PCDH9: variants seen among roughly 807,000 people sequenced by gnomAD.
PCDH9 encodes the protein protocadherin-9.
PCDH9 carries 24 observed loss-of-function variants against 70.6 expected under a neutral mutation model. The ratio of observed to expected loss-of-function variants is 0.34; its 90% CI spans 0.25 to 0.48. PCDH9 has a LOEUF of 0.48. Ranked by LOEUF, PCDH9 falls within the 20% of genes least tolerant of loss-of-function variation. The probability of loss-of-function intolerance (pLI) is 0.99; values close to 1 mark genes in which losing one functional copy is unlikely to be tolerated. For synonymous variants in PCDH9, 562 were observed against 558.5 expected, an observed-to-expected ratio of 1.01 and a Z score of -0.09; for missense variants, 1,281 against 1,503.6, an observed-to-expected ratio of 0.85 and a Z score of 2.45.
At position 66,375,428 on chromosome 13, in the gene PCDH9, GA is replaced by G. The variant is rs532186164; in HGVS notation, c.3341-70401del. Among the ~76,000 whole-genome samples the G allele has an allele frequency of 5.8e-3, 869 of 150,454 alleles. 4 individuals carry two copies. Among genetic ancestry groups the G allele is most frequent in the African/African-American group, 0.019 (767 of 41,092 alleles). ...GCTTTGTTTTTTGTTAATGTAATAA[GA>G]AAAAAAAACTTGTAGTATATTTGCT... On this transcript the variant is annotated intron_variant, in intron 4 of 4. Transcript: ENST00000377865.
At chr13:67,223,002 C>T (rs1268539601) in intron 2 of PCDH9, 1 of 152,114 alleles carries the variant, frequency 6.6e-6, no homozygotes, top group African/African-American at 2.4e-5. Flanking sequence ...CAACATCACA[C>T]TATTTCTTTT....
intron 4 of PCDH9, among the ~76,000 whole-genome samples, chr13:66,331,908 G>C (rs1045801918): frequency 6.6e-6 from 1 of 152,192 alleles, no homozygotes; most frequent in Non-Finnish European, 1.5e-5. Flanking sequence ...TGAAAATGGA[G>C]AGAGGGTACT....
chr13:66,963,305 T>C (rs1284831037), intron 2 of PCDH9, among the ~76,000 whole-genome samples: 1 of 152,168 alleles, frequency 6.6e-6, no homozygotes, highest in African/African-American at 2.4e-5. Context: ...TGAAAAATTA[T>C]AGGAAAAGGC....
At chr13:67,224,989 T>G (rs368611477) in intron 2 of PCDH9, 211 of 1,028,758 alleles carry the variant, frequency 2.1e-4, no homozygotes, top group Middle Eastern at 1.5e-3. Flanking sequence ...AGTCACACCT[T>G]CAAAAGTCAT....
At chr13:66,316,281 T>C (rs1441224684) in intron 4 of PCDH9, among the ~76,000 whole-genome samples, 1 of 152,322 alleles carries the variant, frequency 6.6e-6, no homozygotes, top group East Asian at 1.9e-4. Flanking sequence ...TTGTCATGTA[T>C]GGTAAACATA....
At chr13:66,682,648 ATAT>A (rs1218554083) in intron 3 of PCDH9, among the ~76,000 whole-genome samples, 2 of 152,142 alleles carry the variant, frequency 1.3e-5, no homozygotes, top group African/African-American at 4.8e-5. Flanking sequence ...TTGTATGGAA[ATAT>A]TATAGTCAGA....
intron 2 of PCDH9, among the ~76,000 whole-genome samples, chr13:67,032,397 C>G (rs1428179625): frequency 6.6e-6 from 1 of 151,968 alleles, no homozygotes; most frequent in Non-Finnish European, 1.5e-5. Context: ...CATATCAACT[C>G]AAGCCATTTG....
intron 2 of PCDH9, among the ~76,000 whole-genome samples, chr13:66,923,229 C>A (rs1251882910): frequency 6.6e-6 from 1 of 151,428 alleles, no homozygotes; most frequent in Non-Finnish European, 1.5e-5. Context: ...CTGCACCTGG[C>A]TAGTACACAT....
intron 3 of PCDH9, among the ~76,000 whole-genome samples, chr13:66,835,808 C>T (rs2081008150): frequency 6.6e-6 from 1 of 152,114 alleles, no homozygotes; most frequent in Non-Finnish European, 1.5e-5. Context: ...TGACTATCCT[C>T]TCCCCATTCC....
chr13:66,370,286 T>C (rs991170460), intron 4 of PCDH9, among the ~76,000 whole-genome samples: 1 of 151,740 alleles, frequency 6.6e-6, no homozygotes, highest in African/African-American at 2.4e-5. Flanking sequence ...TGTGGGAGAG[T>C]AGAAGCTTAA....
intron 3 of PCDH9, among the ~76,000 whole-genome samples, chr13:66,668,852 A>C (rs1002538133): frequency 6.6e-6 from 1 of 152,196 alleles, no homozygotes; most frequent in Non-Finnish European, 1.5e-5. Flanking sequence ...TTATTTTTAA[A>C]TCTAGAGTCT....
chr13:67,223,039 A>T (rs1238154671), intron 2 of PCDH9: 1 of 152,166 alleles, frequency 6.6e-6, no homozygotes. Flanking sequence ...TAAAAGGTGT[A>T]AGCAAAGCCA....
At chr13:66,612,719 G>A (rs1377382157) in intron 4 of PCDH9, among the ~76,000 whole-genome samples, 3 of 152,096 alleles carry the variant, frequency 2.0e-5, no homozygotes, top group African/African-American at 4.8e-5. Context: ...GGTTTACAGC[G>A]GGCAGGAGCC....
At chr13:67,164,085 T>C (rs1033884638) in intron 2 of PCDH9, among the ~76,000 whole-genome samples, 1 of 152,224 alleles carries the variant, frequency 6.6e-6, no homozygotes, top group African/African-American at 2.4e-5. Flanking sequence ...TTCTAGTTAT[T>C]ACTAAATGTG....
chr13:66,958,294 T>C (rs1309317394), intron 2 of PCDH9, among the ~76,000 whole-genome samples: 1 of 152,186 alleles, frequency 6.6e-6, no homozygotes, highest in African/African-American at 2.4e-5. Flanking sequence ...ACGGACTGGA[T>C]GAAAAACACG....
chr13:66,877,828 T>C (rs76030937), intron 3 of PCDH9, among the ~76,000 whole-genome samples: 5,196 of 152,276 alleles, frequency 0.034, 287 homozygotes, highest in African/African-American at 0.12. Flanking sequence ...TAAAATACCT[T>C]ATCTGGCACT....
At chr13:67,062,948 A>G (rs945641719) in intron 2 of PCDH9, among the ~76,000 whole-genome samples, 14 of 152,134 alleles carry the variant, frequency 9.2e-5, no homozygotes, top group African/African-American at 3.4e-4. Context: ...AAAAAGTGCT[A>G]AGCAGAGCCT....
chr13:66,562,745 C>T (rs193188771), intron 4 of PCDH9, among the ~76,000 whole-genome samples: 7 of 152,152 alleles, frequency 4.6e-5, no homozygotes, highest in African/African-American at 1.7e-4. Context: ...GGTATCAATG[C>T]CTGAGTGGTC....
chr13:67,228,963 G>A (rs1006781685), intron 1 of PCDH9, among the ~76,000 whole-genome samples: 5 of 152,068 alleles, frequency 3.3e-5, no homozygotes, highest in South Asian at 2.1e-4. Context: ...ATTTAGCTAC[G>A]GTTCCTGCTA....
Sources: gnomAD v4.1 joint callset for allele counts (sites outside exome capture counted in the v4.1 genomes callset) on GRCh38, gnomAD v4.1.1 for gene constraint, MANE v1.5 for transcripts, NCBI Gene and HGNC (gene_info 2026-07-23, HGNC 2026-07-21) for gene names.